Variants in RNLS observed in about 807,000 individuals in gnomAD.
RNLS encodes renalase.
Under a neutral mutation model 39.8 loss-of-function variants are expected in RNLS, and 39 were observed. The observed-to-expected ratio is 0.98, with a 90% CI of 0.76 to 1.28. The LOEUF (loss-of-function observed/expected upper bound fraction) is 1.28. Ranked by LOEUF, RNLS falls within the 50% of genes most tolerant of loss-of-function variation. RNLS has a pLI of 0.00. For synonymous variants in RNLS, 147 were observed against 150.7 expected (o/e 0.98, Z 0.18); for missense variants, 410 against 413.3 (o/e 0.99, Z 0.07).
intron 4 of RNLS, among the ~76,000 whole-genome samples, chr10:88,554,029 C>CT (rs1401602014): frequency 4.6e-5 from 7 of 151,932 alleles, no homozygotes; most frequent in African/African-American, 1.4e-4. Flanking sequence ...TTTTAGTTTC[C>CT]TTTTTTTATA....
At chr10:88,336,142 C>CA (rs1471759427) in intron 5 of RNLS, among the ~76,000 whole-genome samples, 1 of 152,200 alleles carries the variant, frequency 6.6e-6, no homozygotes, top group Non-Finnish European at 1.5e-5. Context: ...AGAGCAATTA[C>CA]AGCTCTAGTT....
chr10:88,393,079 A>G (rs1249512294), intron 4 of RNLS, among the ~76,000 whole-genome samples: 2 of 152,216 alleles, frequency 1.3e-5, no homozygotes, highest in African/African-American at 2.4e-5. Context: ...ACCCACAGCC[A>G]ATATCATACT....
chr10:88,200,071 G>A, the RNLS span, among the ~76,000 whole-genome samples: 1 of 152,198 alleles, frequency 6.6e-6, no homozygotes, highest in African/African-American at 2.4e-5. Flanking sequence ...CAAGGTTGCA[G>A]TGAGACATGA....
the RNLS span, among the ~76,000 whole-genome samples, chr10:88,245,630 C>A: frequency 6.6e-6 from 1 of 152,196 alleles, no homozygotes; most frequent in East Asian, 1.9e-4. Context: ...ATTTTCTTTT[C>A]TTTTTCTTTT....
the RNLS span, among the ~76,000 whole-genome samples, chr10:88,190,337 G>A: frequency 1.3e-5 from 2 of 152,198 alleles, no homozygotes; most frequent in Admixed American, 1.3e-4. Context: ...ATCCTTGGCT[G>A]TTCTCTTCTG....
At chr10:88,298,712 C>T (rs1844274609) in intron 6 of RNLS, among the ~76,000 whole-genome samples, 1 of 152,164 alleles carries the variant, frequency 6.6e-6, no homozygotes, top group Non-Finnish European at 1.5e-5. Flanking sequence ...GTCAGTACCA[C>T]ACTGTCTTGA....
chr10:88,276,877 C>T (rs1160091800), intron 6 of RNLS, among the ~76,000 whole-genome samples: 1 of 152,044 alleles, frequency 6.6e-6, no homozygotes, highest in Admixed American at 6.6e-5. Flanking sequence ...TTGCAATTTC[C>T]CTCTAGGGAC....
intron 5 of RNLS, among the ~76,000 whole-genome samples, chr10:88,330,535 A>G (rs72818102): frequency 0.052 from 7,863 of 152,248 alleles, 279 homozygotes; most frequent in South Asian, 0.11. Context: ...AGAAACTAAA[A>G]TTCTTAGTAA....
chr10:88,392,674 T>G (rs916781071), intron 4 of RNLS, among the ~76,000 whole-genome samples: 1 of 152,158 alleles, frequency 6.6e-6, no homozygotes, highest in Non-Finnish European at 1.5e-5. Context: ...TCACAAACCC[T>G]GGGGAGGTAG....
chr10:88,405,163 T>C lies in RNLS; in HGVS notation c.527-42438A>G, dbSNP rs139631098. ...TTGAAGTTGTGAGGATAACCAAATG[T>C]TGCATATCTAGTGATTTACATTCAA... is the stretch of plus-strand genomic sequence containing the variant. On this transcript the variant is annotated intron_variant, in intron 4 of 6. Coordinates refer to ENST00000331772, the MANE Select transcript of RNLS (RefSeq NM_001031709.3). Among the ~76,000 whole-genome samples the C allele has an allele frequency of 2.3e-3, 344 of 152,192 alleles. 3 individuals are homozygous for C. The highest frequency in any genetic ancestry group is 6.9e-3 in the African/African-American group (285 of 41,548).
chr10:88,364,245 A>G (rs1183438003), intron 4 of RNLS, among the ~76,000 whole-genome samples: 1 of 152,164 alleles, frequency 6.6e-6, no homozygotes, highest in East Asian at 1.9e-4. Flanking sequence ...CTAATCTACA[A>G]CAGTAGGGAT....
rs754121109 is a variant in RNLS, at chr10:88,583,195, A to G, written c.-5T>C. On this transcript the variant is annotated 5_prime_UTR_variant, in exon 1 of 7. Transcript: ENST00000331772. Reference sequence around the variant, plus strand: ...CACGATCAGCACCTGCGCCATGGCGAGAGGGAGCAGCGATCCGCGCTGAGT... The same window carrying G: ...CACGATCAGCACCTGCGCCATGGCGGGAGGGAGCAGCGATCCGCGCTGAGT... The G allele has an allele frequency of 6.2e-7, 1 of 1,613,696 alleles. No homozygotes were observed. The highest frequency in any genetic ancestry group is 8.5e-7 in the Non-Finnish European group (1 of 1,179,874).
At chr10:88,175,753 G>T in the RNLS span, among the ~76,000 whole-genome samples, 1 of 152,018 alleles carries the variant, frequency 6.6e-6, no homozygotes, top group East Asian at 1.9e-4. Context: ...AGGTCTGTTT[G>T]GTCCATTTGG....
chr10:88,294,010 G>A (rs955485072), intron 6 of RNLS, among the ~76,000 whole-genome samples: 28 of 152,148 alleles, frequency 1.8e-4, no homozygotes, highest in Non-Finnish European at 3.8e-4. Flanking sequence ...CACATGGTTC[G>A]TTTGTTCACC....
intron 4 of RNLS, among the ~76,000 whole-genome samples, chr10:88,486,080 T>C (rs1844496092): frequency 6.6e-6 from 1 of 151,904 alleles, no homozygotes; most frequent in Non-Finnish European, 1.5e-5. Context: ...CATCTAATGA[T>C]GAACTTGAAT....
At chr10:88,343,909 A>C in intron 5 of RNLS, 9 of 698,054 alleles carry the variant, frequency 1.3e-5, no homozygotes, top group Non-Finnish European at 1.4e-5. Context: ...CCAGGCTCTC[A>C]CTGGAGTTCT....
At chr10:88,494,808 A>C (rs1235257620) in intron 4 of RNLS, among the ~76,000 whole-genome samples, 1 of 152,142 alleles carries the variant, frequency 6.6e-6, no homozygotes. Flanking sequence ...TCTAGACCAG[A>C]CTTAAGTTTT....
chr10:88,464,196 T>C (rs1843085173), intron 4 of RNLS, among the ~76,000 whole-genome samples: 1 of 152,000 alleles, frequency 6.6e-6, no homozygotes, highest in Non-Finnish European at 1.5e-5. Flanking sequence ...TGCATTAAAA[T>C]GAAAAAGAGC....
intron 4 of RNLS, among the ~76,000 whole-genome samples, chr10:88,419,520 G>A (rs908530284): frequency 1.3e-5 from 2 of 152,034 alleles, no homozygotes; most frequent in African/African-American, 2.4e-5. Flanking sequence ...TCCAAGTCAC[G>A]ATCTTTATTT....
Sources: gnomAD v4.1 joint callset for allele counts (sites outside exome capture counted in the v4.1 genomes callset) on GRCh38, gnomAD v4.1.1 for gene constraint, MANE v1.5 for transcripts, NCBI Gene and HGNC (gene_info 2026-07-23, HGNC 2026-07-21) for gene names.